WWC2: variants seen among roughly 807,000 people sequenced by gnomAD.
WWC2 encodes protein WWC2.
WWC2 carries 101 observed loss-of-function variants against 138.5 expected under a neutral mutation model. The ratio of observed to expected loss-of-function variants is 0.73; its 90% confidence interval spans 0.62 to 0.86. The LOEUF is 0.86. Ranked by LOEUF, WWC2 falls within the 40% of genes least tolerant of loss-of-function variation. The pLI is 0.00. For missense variants in WWC2, 1,420 were observed against 1,419.4 expected, an observed-to-expected ratio of 1.00 and a Z score of -0.01; for synonymous variants, 558 against 538.4, an observed-to-expected ratio of 1.04 and a Z score of -0.50.
At chr4:183,218,318 C>G (rs1735813509) in intron 4 of WWC2, among the ~76,000 whole-genome samples, 1 of 151,684 alleles carries the variant, frequency 6.6e-6, no homozygotes, top group Non-Finnish European at 1.5e-5. Flanking sequence ...GGAGATATCA[C>G]TTCACACCTA....
chr4:183,265,817 A>G, intron 13 of WWC2, 48 bp from the exon 14 acceptor site: 2 of 1,608,688 alleles, frequency 1.2e-6, no homozygotes, highest in Non-Finnish European at 1.7e-6. Flanking sequence ...TGTGCAGGGC[A>G]AGTGGCCTGT....
chr4:183,259,981 A>AT (rs1737273614), intron 10 of WWC2, among the ~76,000 whole-genome samples: 1 of 152,166 alleles, frequency 6.6e-6, no homozygotes, highest in Non-Finnish European at 1.5e-5. Context: ...ATAATAACGC[A>AT]TTTTTCCCAT....
At chr4:183,148,825 G>A (rs1375980059) in intron 1 of WWC2, among the ~76,000 whole-genome samples, 1 of 151,260 alleles carries the variant, frequency 6.6e-6, no homozygotes, top group Middle Eastern at 3.2e-3. Context: ...TAGTGTAGAT[G>A]AGCAATTAGG....
chr4:183,162,222 T>G (rs1270047723), intron 1 of WWC2, among the ~76,000 whole-genome samples: 1 of 152,106 alleles, frequency 6.6e-6, no homozygotes, highest in African/African-American at 2.4e-5. Flanking sequence ...AAACCCTAAT[T>G]CTCAGTGTTT....
At position 183,320,680 on chromosome 4, in the gene WWC2, A is replaced by C. The variant is rs1175392145; in HGVS notation, c.*4951A>C. On this transcript the variant is annotated 3_prime_UTR_variant, in exon 23 of 23. Coordinates refer to ENST00000403733, the MANE Select transcript of WWC2 (RefSeq NM_024949.6). Reference sequence around the variant, plus strand: ...GATTTTCATCTCTTATAGTTCTCACATTTCAAATGTGCATGTTATGGTAAT... The same window carrying C: ...GATTTTCATCTCTTATAGTTCTCACCTTTCAAATGTGCATGTTATGGTAAT... 1.1e-4 allele frequency: 20 copies of C among 183,316 alleles called. No individual in the cohort carries two copies. The highest frequency in any genetic ancestry group is 1.1e-3 in the Admixed American group (20 of 18,438). 11.4% of individuals were successfully genotyped at this position (183,316 alleles called of 1,614,324 possible). A position where few individuals can be genotyped will look rare whatever the true frequency, so the allele number is the denominator to read the frequency against.
chr4:183,117,990 G>A (rs894611427), intron 1 of WWC2, among the ~76,000 whole-genome samples: 8 of 151,218 alleles, frequency 5.3e-5, no homozygotes, highest in Non-Finnish European at 7.4e-5. Flanking sequence ...AGTAGAGACG[G>A]GGTTTCGCCA....
chr4:183,290,150 TATTGACATTCTCCCTTAC>T (rs1309286551), intron 21 of WWC2, among the ~76,000 whole-genome samples: 2 of 152,204 alleles, frequency 1.3e-5, no homozygotes, highest in Non-Finnish European at 2.9e-5. Context: ...ACATTTTGCT[TATTGACATTCTCCCTTAC>T]CTTTCACCCT....
intron 9 of WWC2, among the ~76,000 whole-genome samples, chr4:183,257,531 C>T (rs1387960485): frequency 1.3e-5 from 2 of 152,120 alleles, no homozygotes; most frequent in Non-Finnish European, 2.9e-5. Flanking sequence ...CCTTTCTCAT[C>T]CAGCAGACCA....
At position 183,265,685 on chromosome 4, in the gene WWC2, T is replaced by C; in HGVS notation, c.2040-3T>C. 6.2e-7 allele frequency: 1 copy of C among 1,608,560 alleles called. No individual in the cohort carries two copies. The highest frequency in any genetic ancestry group is 8.5e-7 in the Non-Finnish European group (1 of 1,177,440). ...ACTGTTCATCTACTCCCTGTCCATATAGACCTAGTGAAATGGAAGATGTCA... is the reference window on the plus strand; with the variant it reads ...ACTGTTCATCTACTCCCTGTCCATACAGACCTAGTGAAATGGAAGATGTCA... On this transcript the variant is annotated splice_polypyrimidine_tract_variant and splice_region_variant and intron_variant, in intron 12 of 22. Coordinates refer to ENST00000403733, the MANE Select transcript of WWC2 (RefSeq NM_024949.6).
chr4:183,216,061 C>T (rs1458445976), intron 4 of WWC2, among the ~76,000 whole-genome samples: 1 of 152,168 alleles, frequency 6.6e-6, no homozygotes, highest in Non-Finnish European at 1.5e-5. Context: ...TACATTCAAA[C>T]CAACACTTCC....
intron 11 of WWC2, among the ~76,000 whole-genome samples, chr4:183,263,638 G>A (rs1171214836): frequency 6.6e-6 from 1 of 152,188 alleles, no homozygotes; most frequent in Non-Finnish European, 1.5e-5. Context: ...TCACAAATTA[G>A]CTGGGCATGG....
At chr4:183,101,220 A>G (rs929016069) in intron 1 of WWC2, among the ~76,000 whole-genome samples, 3 of 152,208 alleles carry the variant, frequency 2.0e-5, no homozygotes, top group Non-Finnish European at 2.9e-5. Context: ...ATGCTTTACT[A>G]TATTATCTCA....
At chr4:183,312,261 C>T in intron 21 of WWC2, 80 bp from the exon 22 acceptor site, 2 of 1,568,792 alleles carry the variant, frequency 1.3e-6, no homozygotes, top group Non-Finnish European at 1.7e-6. Flanking sequence ...AGTCCACAAT[C>T]TTTGAAGCTT....
intron 2 of WWC2, among the ~76,000 whole-genome samples, chr4:183,199,046 T>C (rs1390762361): frequency 6.6e-6 from 1 of 152,162 alleles, no homozygotes; most frequent in Admixed American, 6.5e-5. Context: ...TAGCCACATC[T>C]ACTTGGAGAA....
intron 1 of WWC2, among the ~76,000 whole-genome samples, chr4:183,153,131 C>G (rs1227848207): frequency 1.3e-5 from 2 of 152,144 alleles, no homozygotes; most frequent in East Asian, 3.9e-4. Context: ...TCTTGAACTC[C>G]TGGCCTCAAG....
At chr4:183,231,782 C>T (rs997623518) in intron 4 of WWC2, among the ~76,000 whole-genome samples, 9 of 151,870 alleles carry the variant, frequency 5.9e-5, no homozygotes, top group Non-Finnish European at 1.0e-4. Context: ...CTCAGCCTCC[C>T]GAGTAGCTGG....
chr4:183,268,329 G>A (rs956283596), intron 14 of WWC2, among the ~76,000 whole-genome samples: 2 of 152,178 alleles, frequency 1.3e-5, no homozygotes, highest in African/African-American at 2.4e-5. Flanking sequence ...AGTATTAGAA[G>A]TTATTGTTTT....
At chr4:183,196,446 A>G (rs1735145466) in intron 2 of WWC2, among the ~76,000 whole-genome samples, 1 of 152,138 alleles carries the variant, frequency 6.6e-6, no homozygotes, top group South Asian at 2.1e-4. Context: ...ACCTGCTGTC[A>G]GGATTTCTGT....
chr4:183,315,152 C>T (rs1038507477), intron 22 of WWC2, among the ~76,000 whole-genome samples: 2 of 152,228 alleles, frequency 1.3e-5, no homozygotes, highest in African/African-American at 2.4e-5. Flanking sequence ...TCCGCTGCTT[C>T]GGGACCAGGG....
Sources: gnomAD v4.1 joint callset for allele counts (sites outside exome capture counted in the v4.1 genomes callset) on GRCh38, gnomAD v4.1.1 for gene constraint, MANE v1.5 for transcripts, NCBI Gene and HGNC (gene_info 2026-07-23, HGNC 2026-07-21) for gene names.